SYN3: variants seen among roughly 807,000 people sequenced by gnomAD.
SYN3 encodes synapsin-3.
SYN3 carries 35 observed loss-of-function variants against 65.8 expected under a neutral mutation model. That is an observed-to-expected ratio of 0.53 (90% CI 0.41 to 0.70). The LOEUF is 0.70. SYN3 is among the 30% of genes least tolerant of loss of function. The pLI is 0.00. For synonymous variants in SYN3, 270 were observed against 292.9 expected (o/e 0.92, Z 0.80); for missense variants, 680 against 749.0 (o/e 0.91, Z 1.08).
chr22:33,021,726 T>G (rs767911055), intron 1 of SYN3, among the ~76,000 whole-genome samples: 1 of 151,974 alleles, frequency 6.6e-6, no homozygotes, highest in Non-Finnish European at 1.5e-5. Context: ...CTTTGGATCC[T>G]ACTTGTTCTT....
intron 2 of SYN3, among the ~76,000 whole-genome samples, chr22:32,981,732 T>G (rs1038960941): frequency 6.6e-6 from 1 of 152,164 alleles, no homozygotes; most frequent in Non-Finnish European, 1.5e-5. Context: ...ATACGTTACA[T>G]GTATCACAAC....
chr22:32,673,941 C>T (rs954716441), intron 6 of SYN3, among the ~76,000 whole-genome samples: 5 of 152,024 alleles, frequency 3.3e-5, no homozygotes, highest in Non-Finnish European at 7.4e-5. Flanking sequence ...CAGAGTGGCA[C>T]GATTGCATAT....
chr22:32,528,095 C>T, intron 11 of SYN3, 90 bp from the exon 12 acceptor site: 1 of 1,017,304 alleles, frequency 9.8e-7, no homozygotes, highest in Non-Finnish European at 1.4e-6. Context: ...ATCTTTTTAT[C>T]ATTGAGAAGA....
intron 3 of SYN3, among the ~76,000 whole-genome samples, chr22:32,941,987 G>A (rs2050954537): frequency 6.6e-6 from 1 of 152,228 alleles, no homozygotes; most frequent in Non-Finnish European, 1.5e-5. Flanking sequence ...GCTCAAGGAG[G>A]CCTGCCTACC....
intron 1 of SYN3, among the ~76,000 whole-genome samples, chr22:33,037,260 C>T (rs368810202): frequency 4.6e-5 from 7 of 152,208 alleles, no homozygotes; most frequent in South Asian, 4.2e-4. Flanking sequence ...AGAAAGGTGG[C>T]GTCACTTGCC....
chr22:32,864,900 A>G lies in SYN3; in HGVS notation c.711+15T>C. Reference sequence around the variant, plus strand: ...CCGCATCATGCAAAGAAACAGAGTAAAAAAGGGCACTCACCATTGGCTTAT... The same window carrying G: ...CCGCATCATGCAAAGAAACAGAGTAGAAAAGGGCACTCACCATTGGCTTAT... On this transcript the variant is annotated intron_variant, in intron 6 of 13. Coordinates refer to ENST00000358763, the MANE Select transcript of SYN3 (RefSeq NM_003490.4). The G allele has an allele frequency of 6.2e-7, 1 of 1,610,852 alleles. No individual in the cohort carries two copies. The highest frequency in any genetic ancestry group is 8.5e-7 in the Non-Finnish European group (1 of 1,177,058).
In SYN3 at chr22:32,848,439, A is replaced by G. The variant is rs150006600; in HGVS notation, c.711+16476T>C. Among the ~76,000 whole-genome samples the G allele has an allele frequency of 5.9e-5, 9 of 152,336 alleles. No homozygotes were observed. In the East Asian group the frequency reaches 1.5e-3, roughly 26 times the overall value. On this transcript the variant is annotated intron_variant, in intron 6 of 13. Transcript: ENST00000358763. Reference sequence around the variant, plus strand: ...GTTTCACTTCTTGGTCTGTTACCTTATCTAGATCATGTGGATGCTAATACT... The same window carrying G: ...GTTTCACTTCTTGGTCTGTTACCTTGTCTAGATCATGTGGATGCTAATACT...
intron 6 of SYN3, among the ~76,000 whole-genome samples, chr22:32,813,572 A>C (rs1458309641): frequency 6.6e-6 from 1 of 151,162 alleles, no homozygotes; most frequent in African/African-American, 2.4e-5. Flanking sequence ...GGCCAGATTC[A>C]GCCTTGTGGG....
At chr22:32,989,918 A>G (rs1379405475) in intron 2 of SYN3, among the ~76,000 whole-genome samples, 1 of 150,872 alleles carries the variant, frequency 6.6e-6, no homozygotes, top group East Asian at 2.0e-4. Context: ...TGTCACCCTC[A>G]TTCCTACAGA....
intron 6 of SYN3, among the ~76,000 whole-genome samples, chr22:32,850,861 G>T (rs2146252693): frequency 6.6e-6 from 1 of 152,318 alleles, no homozygotes; most frequent in East Asian, 1.9e-4. Context: ...GGGAGTGGAG[G>T]AGTGACGCAG....
chr22:32,568,057 G>A (rs1464477326), intron 7 of SYN3, among the ~76,000 whole-genome samples: 1 of 152,150 alleles, frequency 6.6e-6, no homozygotes, highest in East Asian at 1.9e-4. Context: ...AGCTCCTCAC[G>A]GGACAGGCAA....
At chr22:32,744,647 C>T (rs2044871070) in intron 6 of SYN3, among the ~76,000 whole-genome samples, 1 of 152,178 alleles carries the variant, frequency 6.6e-6, no homozygotes, top group Non-Finnish European at 1.5e-5. Flanking sequence ...CAACATGCTA[C>T]TGTGAGTGTC....
chr22:32,657,855 A>G (rs1217444649), intron 6 of SYN3, among the ~76,000 whole-genome samples: 1 of 151,992 alleles, frequency 6.6e-6, no homozygotes, highest in Non-Finnish European at 1.5e-5. Context: ...GAAGACCTTC[A>G]CCCTCTCTCC....
intron 1 of SYN3, among the ~76,000 whole-genome samples, chr22:33,024,756 G>T (rs5998697): frequency 0.16 from 24,239 of 152,160 alleles, 2,252 homozygotes; most frequent in Non-Finnish European, 0.21. Flanking sequence ...AGGATAAAGG[G>T]GAGCTTTTAT....
chr22:32,781,577 G>T (rs951832211), intron 6 of SYN3, among the ~76,000 whole-genome samples: 4 of 152,070 alleles, frequency 2.6e-5, no homozygotes, highest in Non-Finnish European at 5.9e-5. Flanking sequence ...GTTTATATCA[G>T]TGCTTGGCAC....
At chr22:32,857,123 G>T (rs1020917691) in intron 6 of SYN3, 2 of 754,526 alleles carry the variant, frequency 2.7e-6, no homozygotes, top group African/African-American at 3.4e-5. Flanking sequence ...GTCAACATGA[G>T]AGTGCAGACC....
At chr22:32,998,120 A>G (rs2052941094) in intron 2 of SYN3, among the ~76,000 whole-genome samples, 1 of 152,006 alleles carries the variant, frequency 6.6e-6, no homozygotes, top group African/African-American at 2.4e-5. Context: ...ACCACCTCCC[A>G]AATTCCTCAT....
Position 32,693,592 on chromosome 22 carries a change from GTT to G in SYN3, c.712-96858_712-96857del, listed in dbSNP as rs1189710191. Among the ~76,000 whole-genome samples, 622 of 90,428 alleles carry G rather than the reference GTT, an allele frequency of 6.9e-3. 1 individual carries two copies. Among genetic ancestry groups the G allele is most frequent in the East Asian group, 0.034 (89 of 2,580 alleles). 59.3% of individuals were successfully genotyped at this position (90,428 alleles called of 152,430 possible). A position where few individuals can be genotyped will look rare whatever the true frequency, so the allele number is the denominator to read the frequency against. ...ATATAATATTATTTTTCTGTAGCTT[GTT>G]TTTTTTTTTTTTTTTTTTTTTGAGA... is the stretch of plus-strand genomic sequence containing the variant. On this transcript the variant is annotated intron_variant, in intron 6 of 13. Transcript: ENST00000358763.
At chr22:32,745,836 G>C (rs1193161294) in intron 6 of SYN3, among the ~76,000 whole-genome samples, 1 of 152,176 alleles carries the variant, frequency 6.6e-6, no homozygotes. Flanking sequence ...CAGGAAGAGA[G>C]CGAGGAGGAC....
Sources: allele counts gnomAD v4.1 joint callset (sites outside exome capture counted in the v4.1 genomes callset), GRCh38; gene constraint gnomAD v4.1.1; transcripts MANE v1.5; gene names NCBI Gene and HGNC (gene_info 2026-07-23, HGNC 2026-07-21).